Variants in CAMSAP2 observed in about 807,000 individuals in gnomAD.
CAMSAP2 encodes the protein calmodulin regulated spectrin associated protein family member 2, also known as calmodulin-regulated spectrin-associated protein 2.
Under a neutral mutation model 146.1 loss-of-function variants are expected in CAMSAP2, and 26 were observed. The ratio of observed to expected loss-of-function variants is 0.18; its 90% CI spans 0.13 to 0.25. CAMSAP2 has a LOEUF of 0.25. Among genes scored for constraint, CAMSAP2 ranks in the 10% least tolerant of loss-of-function variants. CAMSAP2 has a pLI of 1.00. For synonymous variants in CAMSAP2, 499 were observed against 596.6 expected (o/e 0.84, Z 2.38); for missense variants, 1,381 against 1,759.3 (o/e 0.78, Z 3.85).
chr1:200,799,855 A>G (rs1665990077), intron 2 of CAMSAP2, among the ~76,000 whole-genome samples: 1 of 152,152 alleles, frequency 6.6e-6, no homozygotes, highest in South Asian at 2.1e-4. Flanking sequence ...TGTGTTCCAG[A>G]GATTCTAGTA....
rs556114046 is a variant in CAMSAP2, at chr1:200,815,734, A to G, written c.645+90A>G. 166 of 620,372 alleles carry G rather than the reference A, an allele frequency of 2.7e-4. No homozygotes were observed. The African/African-American group carries it at 2.8e-3, about 10-fold the overall frequency. The allele number at this position is 620,372 out of a possible 1,614,324, so 38.4% of individuals were successfully genotyped here. A position where few individuals can be genotyped will look rare whatever the true frequency, so the allele number is the denominator to read the frequency against. On this transcript the variant is annotated intron_variant, in intron 4 of 16. Coordinates refer to ENST00000358823, the MANE Select transcript of CAMSAP2 (RefSeq NM_203459.4). ...ATTTTGGGAAATGTTAATTGTGTTT[A>G]TTAAATTATTTTTTAGTGGTGTTAA...
chr1:200,852,224 C>G (rs1444013116), intron 11 of CAMSAP2, among the ~76,000 whole-genome samples: 1 of 152,116 alleles, frequency 6.6e-6, no homozygotes, highest in Admixed American at 6.5e-5. Context: ...GGGGGAACTA[C>G]CTACTGTAAG....
At chr1:200,743,770 G>A (rs779236350) in intron 1 of CAMSAP2, among the ~76,000 whole-genome samples, 24 of 151,658 alleles carry the variant, frequency 1.6e-4, no homozygotes, top group Admixed American at 3.9e-4. Flanking sequence ...GTGAAACCCC[G>A]TCTCTACTAA....
chr1:200,760,641 C>T (rs1472154348), intron 1 of CAMSAP2, among the ~76,000 whole-genome samples, 198 bp from the exon 2 acceptor site: 1 of 152,144 alleles, frequency 6.6e-6, no homozygotes, highest in East Asian at 1.9e-4. Context: ...AAAGTATCTT[C>T]TGTAAAGGAA....
At chr1:200,814,976 A>T (rs1379182581) in intron 3 of CAMSAP2, among the ~76,000 whole-genome samples, 4 of 150,210 alleles carry the variant, frequency 2.7e-5, no homozygotes, top group South Asian at 4.2e-4. Flanking sequence ...TTTTTTTTTT[A>T]AACTGTTTTT....
At chr1:200,759,189 C>CT (rs1457426605) in intron 1 of CAMSAP2, among the ~76,000 whole-genome samples, 6 of 151,084 alleles carry the variant, frequency 4.0e-5, no homozygotes, top group Admixed American at 1.3e-4. Context: ...CTCTTCACAT[C>CT]TTTTTTCCCT....
At chr1:200,749,729 G>T (rs992934164) in intron 1 of CAMSAP2, among the ~76,000 whole-genome samples, 5 of 151,952 alleles carry the variant, frequency 3.3e-5, no homozygotes, top group African/African-American at 1.2e-4. Context: ...ATTTATAATA[G>T]AATTGAATAG....
At chr1:200,816,911 T>C (rs571756824) in intron 4 of CAMSAP2, among the ~76,000 whole-genome samples, 520 of 50,976 alleles carry the variant, frequency 0.01, 119 homozygotes, top group Non-Finnish European at 0.016. Context: ...CACACACGCG[T>C]GTGTATGTGT....
chr1:200,803,464 G>A (rs746893328), intron 2 of CAMSAP2, among the ~76,000 whole-genome samples: 12 of 152,076 alleles, frequency 7.9e-5, no homozygotes, highest in African/African-American at 2.4e-4. Flanking sequence ...GCAATTAAAC[G>A]TGTATATTTT....
At chr1:200,837,677 T>G (rs1558202156) in intron 6 of CAMSAP2, among the ~76,000 whole-genome samples, 1 of 152,214 alleles carries the variant, frequency 6.6e-6, no homozygotes, top group African/African-American at 2.4e-5. Flanking sequence ...ATGGCTATTT[T>G]AACAATATTG....
chr1:200,835,471 C>T (rs1335874571), intron 6 of CAMSAP2, among the ~76,000 whole-genome samples: 1 of 152,150 alleles, frequency 6.6e-6, no homozygotes, highest in Non-Finnish European at 1.5e-5. Context: ...TGAGTATCTC[C>T]ATGTGCCAGA....
chr1:200,847,594 AT>A, intron 9 of CAMSAP2, 45 bp from the exon 10 acceptor site: 1 of 1,498,920 alleles, frequency 6.7e-7, no homozygotes, highest in Non-Finnish European at 9.2e-7. Flanking sequence ...CTATAAGTTA[AT>A]TTTTTTACAT....
intron 12 of CAMSAP2, among the ~76,000 whole-genome samples, chr1:200,852,960 TTA>T (rs1418292929): frequency 6.6e-6 from 1 of 151,668 alleles, no homozygotes; most frequent in Non-Finnish European, 1.5e-5. Context: ...ATTTAAATAA[TTA>T]TATGTTTAAA....
intron 2 of CAMSAP2, among the ~76,000 whole-genome samples, chr1:200,765,396 A>G (rs1664920917): frequency 1.3e-5 from 2 of 151,872 alleles, no homozygotes; most frequent in Non-Finnish European, 2.9e-5. Context: ...ATGCCCAGCT[A>G]ATTTTTGTAT....
At chr1:200,806,511 A>G (rs570208807) in intron 2 of CAMSAP2, among the ~76,000 whole-genome samples, 33 of 152,320 alleles carry the variant, frequency 2.2e-4, no homozygotes, top group African/African-American at 7.2e-4. Context: ...ATTAATGGTT[A>G]TCTATCAAAA....
intron 2 of CAMSAP2, among the ~76,000 whole-genome samples, chr1:200,784,302 A>C (rs1665526523): frequency 1.3e-5 from 2 of 151,962 alleles, no homozygotes; most frequent in Admixed American, 1.3e-4. Flanking sequence ...TCAACTTGTC[A>C]ATTTCTATTA....
intron 4 of CAMSAP2, among the ~76,000 whole-genome samples, chr1:200,818,608 G>T (rs1176518138): frequency 1.3e-5 from 2 of 151,838 alleles, no homozygotes; most frequent in Non-Finnish European, 2.9e-5. Context: ...CTTACTGTAG[G>T]TTCAGGTGTT....
intron 2 of CAMSAP2, among the ~76,000 whole-genome samples, chr1:200,777,190 C>A (rs1665304310): frequency 6.6e-6 from 1 of 152,130 alleles, no homozygotes. Flanking sequence ...AATATACTAA[C>A]CTACAAAATG....
At chr1:200,770,622 G>C (rs1357448984) in intron 2 of CAMSAP2, among the ~76,000 whole-genome samples, 1 of 152,074 alleles carries the variant, frequency 6.6e-6, no homozygotes, top group Non-Finnish European at 1.5e-5. Flanking sequence ...CATTGTGTTA[G>C]CCAGGATGGT....
Sources: gnomAD v4.1 joint callset for allele counts (sites outside exome capture counted in the v4.1 genomes callset) on GRCh38, gnomAD v4.1.1 for gene constraint, MANE v1.5 for transcripts, NCBI Gene and HGNC (gene_info 2026-07-23, HGNC 2026-07-21) for gene names.